Variants in SYNJ1 observed in about 807,000 individuals in gnomAD.
SYNJ1 encodes polyphosphatidylinositol phosphatase SYNJ1.
In SYNJ1, 78 loss-of-function variants were observed where a neutral mutation model predicts 168.2. The ratio of observed to expected loss-of-function variants is 0.46; its 90% CI spans 0.39 to 0.56. The LOEUF (loss-of-function observed/expected upper bound fraction) is 0.56, where lower values mean the gene tolerates loss of function less well. SYNJ1 is among the 20% of genes least tolerant of loss of function. The pLI, the probability that SYNJ1 is intolerant of heterozygous loss-of-function variation, is 0.00. For missense variants in SYNJ1, 1,303 were observed against 1,597.6 expected, an observed-to-expected ratio of 0.82 and a Z score of 3.14; for synonymous variants, 539 against 548.6, an observed-to-expected ratio of 0.98 and a Z score of 0.24.
chr21:32,640,478 G>A (rs1200486029), intron 29 of SYNJ1, among the ~76,000 whole-genome samples: 2 of 151,926 alleles, frequency 1.3e-5, no homozygotes, highest in Non-Finnish European at 2.9e-5. Flanking sequence ...TGTATTTTTA[G>A]TACAGATGGG....
In SYNJ1 at chr21:32,630,522, T is replaced by C. The variant is rs1355195148; in HGVS notation, c.*1283A>G. 6.2e-6 allele frequency: 1 copy of C among 160,160 alleles called. No homozygotes were observed. Among genetic ancestry groups the C allele is most frequent in the African/African-American group, 2.4e-5 (1 of 41,496 alleles). 9.9% of individuals were successfully genotyped at this position (160,160 alleles called of 1,614,324 possible). On this transcript the variant is annotated 3_prime_UTR_variant, in exon 33 of 33. Transcript: ENST00000674351. ...AGTACATGTGTTTGTATGTATTATA[T>C]ATGTACACATACCTATACTTTTTTC...
chr21:32,699,805 C>A, intron 4 of SYNJ1, 33 bp downstream of exon 4: 1 of 1,591,842 alleles, frequency 6.3e-7, no homozygotes, highest in South Asian at 1.1e-5. Context: ...CATATTATGT[C>A]CCAAATCACC....
Position 32,631,369 on chromosome 21 carries a change from T to G in SYNJ1, c.*436A>C, listed in dbSNP as rs1001246258. The G allele has an allele frequency of 1.2e-6, 2 of 1,614,194 alleles. No homozygotes were observed. Among genetic ancestry groups the G allele is most frequent in the African/African-American group, 2.7e-5 (2 of 75,050 alleles). On this transcript the variant is annotated 3_prime_UTR_variant, in exon 33 of 33. Coordinates refer to ENST00000674351, the MANE Select transcript of SYNJ1 (RefSeq NM_203446.3). ...AGTGAAGATGAAGCCCTGCTTTTGT[T>G]ATGACCAAGAGGCTGCAGAGAAGGG...
rs1601309850 is a variant in SYNJ1, at chr21:32,657,126, G to T, written c.2462-6C>A. 3 of 1,567,442 alleles carry T rather than the reference G, an allele frequency of 1.9e-6. No homozygotes were observed. The highest frequency in any genetic ancestry group is 1.7e-5 in the Admixed American group (1 of 59,924). On this transcript the variant is annotated splice_region_variant and splice_polypyrimidine_tract_variant and intron_variant, in intron 19 of 32. Coordinates refer to ENST00000674351, the MANE Select transcript of SYNJ1 (RefSeq NM_203446.3). ...TAGAAGATCTAGATCTTCAGCTGCA[G>T]TCAGAAGAAATGAAAACACAAGAGA...
chr21:32,633,269 T>C (rs2039421946), intron 32 of SYNJ1, among the ~76,000 whole-genome samples: 2 of 151,724 alleles, frequency 1.3e-5, no homozygotes, highest in South Asian at 4.2e-4. Context: ...GTAGGAAGAG[T>C]GCTTGGAATT....
chr21:32,631,689 T>C lies in SYNJ1; in HGVS notation c.*116A>G. The C allele has an allele frequency of 6.2e-7, 1 of 1,614,220 alleles. No individual in the cohort carries two copies. Among genetic ancestry groups the C allele is most frequent in the Non-Finnish European group, 8.5e-7 (1 of 1,180,040 alleles). On this transcript the variant is annotated 3_prime_UTR_variant, in exon 33 of 33. Coordinates refer to ENST00000674351, the MANE Select transcript of SYNJ1 (RefSeq NM_203446.3). The stretch of plus-strand genomic sequence containing the variant: ...GTCTGGGGTGGGAACAGGTGACGTT[T>C]GAACAGATAGCTGAGCCTTTGATAC...
chr21:32,630,028 G>C lies in SYNJ1; in HGVS notation c.*1777C>G, dbSNP rs1380868116. ...AAAGCAGCAAAAAGAAAATATGGGAGGGATATGGGCAACGTATACTCGAAC... is the reference window on the plus strand; with the variant it reads ...AAAGCAGCAAAAAGAAAATATGGGACGGATATGGGCAACGTATACTCGAAC... On this transcript the variant is annotated 3_prime_UTR_variant, in exon 33 of 33. Coordinates refer to ENST00000674351, the MANE Select transcript of SYNJ1 (RefSeq NM_203446.3). 1 of 152,240 alleles carries C rather than the reference G, an allele frequency of 6.6e-6. No individual in the cohort carries two copies. The highest frequency in any genetic ancestry group is 1.9e-4 in the East Asian group (1 of 5,200). 9.4% of individuals were successfully genotyped at this position (152,240 alleles called of 1,614,324 possible).
intron 6 of SYNJ1, among the ~76,000 whole-genome samples, chr21:32,693,188 G>A (rs2042086848): frequency 6.6e-6 from 1 of 152,124 alleles, no homozygotes; most frequent in African/African-American, 2.4e-5. Context: ...TCACATCAGG[G>A]TTTCAGCAAT....
rs1166199639 is a variant in SYNJ1 at position 32,688,305 on chromosome 21, C to T, written c.851+1G>A. The T allele has an allele frequency of 6.2e-7, 1 of 1,613,142 alleles. No homozygotes were observed. Among genetic ancestry groups the T allele is most frequent in the Middle Eastern group, 1.7e-4 (1 of 6,060 alleles). Reference sequence around the variant, plus strand: ...AAAGCACTATGTAAAAATTGTCTTACCTGTCAAAAGCAGGTGCATTGGCTT... The same window carrying T: ...AAAGCACTATGTAAAAATTGTCTTATCTGTCAAAAGCAGGTGCATTGGCTT... On this transcript the variant is annotated splice_donor_variant, in intron 7 of 32. Coordinates refer to ENST00000674351, the MANE Select transcript of SYNJ1 (RefSeq NM_203446.3). LOFTEE classifies it high-confidence loss of function.
intron 3 of SYNJ1, among the ~76,000 whole-genome samples, chr21:32,700,977 CA>C (rs1246335133): frequency 6.6e-6 from 1 of 152,090 alleles, no homozygotes; most frequent in African/African-American, 2.4e-5. Context: ...TGAAATTGAG[CA>C]ATGGTATACT....
chr21:32,633,989 A>G (rs184948681), intron 32 of SYNJ1, among the ~76,000 whole-genome samples: 2,175 of 152,274 alleles, frequency 0.014, 31 homozygotes, highest in Non-Finnish European at 0.022. Context: ...TATATTACCA[A>G]AAATCTCTGG....
At chr21:32,726,974 G>A in intron 1 of SYNJ1, 57 bp from the exon 2 acceptor site, 1 of 1,585,748 alleles carries the variant, frequency 6.3e-7, no homozygotes, top group South Asian at 1.1e-5. Context: ...CTGCAGCAAG[G>A]ACTGCAAAGC....
At chr21:32,700,267 T>C (rs1013206470) in intron 3 of SYNJ1, among the ~76,000 whole-genome samples, 162 bp from the exon 4 acceptor site, 1 of 152,246 alleles carries the variant, frequency 6.6e-6, no homozygotes, top group East Asian at 1.9e-4. Flanking sequence ...AAAATCCTTG[T>C]TTAAATATAT....
intron 2 of SYNJ1, among the ~76,000 whole-genome samples, chr21:32,705,071 C>A (rs1004988353): frequency 1.3e-5 from 2 of 151,514 alleles, no homozygotes; most frequent in Non-Finnish European, 2.9e-5. Context: ...ATCACTTGAA[C>A]CTGGGAGGCG....
Position 32,631,798 on chromosome 21 carries a change from T to C in SYNJ1, c.*7A>G, listed in dbSNP as rs2039339259. 10 of 1,606,178 alleles carry C rather than the reference T, an allele frequency of 6.2e-6. No individual in the cohort carries two copies. The highest frequency in any genetic ancestry group is 8.5e-6 in the Non-Finnish European group (10 of 1,175,442). On this transcript the variant is annotated 3_prime_UTR_variant, in exon 33 of 33. Coordinates refer to ENST00000674351, the MANE Select transcript of SYNJ1 (RefSeq NM_203446.3). ...TTGCCATCAGAGATTCCATTTGTTT[T>C]TACCTGCAAAAGAAAGGGAGCACTG...
rs1326727098 is a variant in SYNJ1 at position 32,631,859 on chromosome 21, T to C, written c.*4-58A>G. The C allele has an allele frequency of 5.6e-6, 8 of 1,420,486 alleles. No individual in the cohort carries two copies. The East Asian group carries it at 1.6e-4, about 29-fold the overall frequency. The allele number at this position is 1,420,486 out of a possible 1,614,324, so 88.0% of individuals were successfully genotyped here. ...TTATATTTACTCTTAATACCCCCTATTCTTCCTGTCTCAATTATTCTTCCC... is the reference window on the plus strand; with the variant it reads ...TTATATTTACTCTTAATACCCCCTACTCTTCCTGTCTCAATTATTCTTCCC... On this transcript the variant is annotated intron_variant, in intron 32 of 32. Transcript: ENST00000674351.
chr21:32,675,219 G>T (rs1012905469), intron 13 of SYNJ1, among the ~76,000 whole-genome samples: 8 of 151,914 alleles, frequency 5.3e-5, no homozygotes, highest in African/African-American at 1.9e-4. Flanking sequence ...ATAATTACAC[G>T]GCTTAAAATA....
At chr21:32,667,450 C>A (rs2040983509) in intron 15 of SYNJ1, among the ~76,000 whole-genome samples, 1 of 152,112 alleles carries the variant, frequency 6.6e-6, no homozygotes, top group Admixed American at 6.6e-5. Context: ...TCCTTAATAT[C>A]ATCTAATAGT....
At chr21:32,728,032 C>G (rs1250657533), upstream of SYNJ1, 3 of 1,533,782 alleles carry the variant, frequency 2.0e-6, no homozygotes, top group Non-Finnish European at 2.6e-6. Context: ...AGGCCCATCT[C>G]TTCCGCATTG....
Sources: gnomAD v4.1 joint callset for allele counts (sites outside exome capture counted in the v4.1 genomes callset) on GRCh38, gnomAD v4.1.1 for gene constraint, MANE v1.5 for transcripts, NCBI Gene and HGNC (gene_info 2026-07-23, HGNC 2026-07-21) for gene names.